The following SOX5 variants were observed in gnomAD, a reference collection of about 807,000 sequenced individuals.
The protein encoded by SOX5 is transcription factor SOX-5.
In SOX5, 9 loss-of-function variants were observed where a neutral mutation model predicts 92.0. The observed-to-expected ratio is 0.10, with a 90% CI of 0.06 to 0.17. The LOEUF is 0.17. Among genes scored for constraint, SOX5 ranks in the 10% least tolerant of loss-of-function variants. SOX5 has a pLI of 1.00. For synonymous variants in SOX5, 344 were observed against 336.3 expected, an observed-to-expected ratio of 1.02 and a Z score of -0.25; for missense variants, 642 against 944.5, an observed-to-expected ratio of 0.68 and a Z score of 4.20.
chr12:23,756,030 T>G (rs746328618), intron 3 of SOX5, among the ~76,000 whole-genome samples: 11 of 151,800 alleles, frequency 7.2e-5, no homozygotes, highest in Non-Finnish European at 1.3e-4. Flanking sequence ...AATGGATGCT[T>G]GTCAATTTCA....
chr12:24,246,250 T>C (rs929198292), intron 3 of SOX5, among the ~76,000 whole-genome samples: 11 of 152,138 alleles, frequency 7.2e-5, no homozygotes, highest in African/African-American at 2.7e-4. Context: ...TAATTTTTTT[T>C]TCCTGTTGAT....
At chr12:23,617,801 G>A (rs1195266318) in intron 8 of SOX5, among the ~76,000 whole-genome samples, 1 of 151,774 alleles carries the variant, frequency 6.6e-6, no homozygotes, top group Non-Finnish European at 1.5e-5. Context: ...AAAACATTTT[G>A]ACTTTTATAA....
chr12:24,248,764 C>A (rs1258251693), intron 3 of SOX5, among the ~76,000 whole-genome samples: 1 of 152,014 alleles, frequency 6.6e-6, no homozygotes, highest in African/African-American at 2.4e-5. Flanking sequence ...ACTGTAGTTT[C>A]TTTGTTGCTC....
Position 23,575,764 on chromosome 12 carries a change from G to A in SOX5, c.1239C>T (p.Thr413=), listed in dbSNP as rs369327498. ...TSDGKSPTSP[T]SPHMPALRIN... ...TTCTCAGAGCTGGCATATGGGGAGA[G>A]GTGGGTGATGTGGGTGATTTGCCAT... Residue 413 remains threonine, a synonymous_variant, in exon 10 of 15, where the codon ACC becomes ACT. Transcript: ENST00000451604. 10 of 1,612,498 alleles carry A rather than the reference G, an allele frequency of 6.2e-6. No homozygotes were observed. Among genetic ancestry groups the A allele is most frequent in the Non-Finnish European group, 8.5e-6 (10 of 1,179,360 alleles).
intron 4 of SOX5, among the ~76,000 whole-genome samples, chr12:24,004,710 G>T (rs1951969228): frequency 3.3e-5 from 5 of 152,048 alleles, no homozygotes; most frequent in East Asian, 1.9e-4. Flanking sequence ...CAGTTTAGCA[G>T]TTTCATAAAC....
Position 23,543,373 on chromosome 12 carries a change from C to T in SOX5, c.1609G>A (p.Val537Ile). ...TCCCTATAAATTCTTGACTCTGAGA[C>T]TCCAGCACTTCCTGAAAACAGGAAA... ...LSGDSDGSAGVSESRIYRESR... is the reference protein window; with the variant it reads ...LSGDSDGSAGISESRIYRESR... The change falls in exon 13 of 15, where the codon GTC (valine) becomes ATC (isoleucine). Residue 537 changes from valine (V) to isoleucine (I), a missense_variant. Physicochemically the swap from Val to Ile is conservative, Grantham distance 29. This residue lies in a region of SOX5 where 324 missense variants were observed against 461.6 expected (regional missense o/e 0.70). Coordinates refer to ENST00000451604, the MANE Select transcript of SOX5 (RefSeq NM_006940.6). 6.2e-7 allele frequency: 1 copy of T among 1,613,466 alleles called. No individual in the cohort carries two copies. Among genetic ancestry groups the T allele is most frequent in the South Asian group, 1.1e-5 (1 of 91,010 alleles).
chr12:24,246,271 TACAG>T (rs1938687391), intron 3 of SOX5, among the ~76,000 whole-genome samples: 1 of 150,798 alleles, frequency 6.6e-6, no homozygotes, highest in South Asian at 2.1e-4. Flanking sequence ...GTTCTCAAAT[TACAG>T]ACACAGATTT....
At chr12:23,955,756 A>T (rs1009714551), upstream of SOX5, among the ~76,000 whole-genome samples, 1 of 152,188 alleles carries the variant, frequency 6.6e-6, no homozygotes, top group Non-Finnish European at 1.5e-5. Flanking sequence ...TAAAAAAAAA[A>T]AAATCCATAT....
chr12:23,739,338 C>T (rs1228859109), intron 5 of SOX5, among the ~76,000 whole-genome samples: 1 of 152,100 alleles, frequency 6.6e-6, no homozygotes, highest in Non-Finnish European at 1.5e-5. Flanking sequence ...ATAGGCATTG[C>T]CTCCATTTTC....
intron 6 of SOX5, among the ~76,000 whole-genome samples, chr12:23,685,121 T>C (rs2087292329): frequency 2.0e-5 from 3 of 152,152 alleles, no homozygotes; most frequent in Admixed American, 2.0e-4. Context: ...TATAGTGAAC[T>C]GAGTCAGTGA....
At chr12:24,487,806 G>A (rs1385368843) in intron 1 of SOX5, among the ~76,000 whole-genome samples, 2 of 152,104 alleles carry the variant, frequency 1.3e-5, no homozygotes, top group Non-Finnish European at 2.9e-5. Flanking sequence ...CAGAAGATGA[G>A]TAAGTGCCTC....
intron 6 of SOX5, among the ~76,000 whole-genome samples, chr12:23,670,403 G>C (rs752471027): frequency 2.0e-5 from 3 of 152,156 alleles, no homozygotes; most frequent in Non-Finnish European, 4.4e-5. Flanking sequence ...AAGATGTAAA[G>C]TGAAGCAAAG....
At chr12:24,367,176 T>C (rs1156582564) in intron 2 of SOX5, among the ~76,000 whole-genome samples, 1 of 152,132 alleles carries the variant, frequency 6.6e-6, no homozygotes, top group Non-Finnish European at 1.5e-5. Flanking sequence ...CTGCTGAGGT[T>C]TGAAGCACTT....
chr12:24,097,892 A>G (rs1224529248), intron 4 of SOX5, among the ~76,000 whole-genome samples: 5 of 152,138 alleles, frequency 3.3e-5, no homozygotes, highest in Non-Finnish European at 7.4e-5. Context: ...ATATATTGCT[A>G]TGTAAACTTT....
intron 7 of SOX5, among the ~76,000 whole-genome samples, chr12:23,645,752 C>A (rs185983558): frequency 6.6e-6 from 1 of 151,990 alleles, no homozygotes; most frequent in African/African-American, 2.4e-5. Context: ...AATTAACTAT[C>A]TTTCCTTTGG....
intron 9 of SOX5, among the ~76,000 whole-genome samples, chr12:23,596,044 G>A (rs1357850022): frequency 6.6e-6 from 1 of 152,204 alleles, no homozygotes; most frequent in Non-Finnish European, 1.5e-5. Flanking sequence ...GGGTTATTGT[G>A]TCTTGGACTG....
chr12:23,967,741 T>TA (rs1399248620), intron 4 of SOX5, among the ~76,000 whole-genome samples: 1 of 152,186 alleles, frequency 6.6e-6, no homozygotes, highest in Non-Finnish European at 1.5e-5. Flanking sequence ...TAAGTATTAG[T>TA]AAAAAATGAT....
chr12:23,758,114 G>A (rs1274629499), intron 3 of SOX5, among the ~76,000 whole-genome samples: 1 of 151,276 alleles, frequency 6.6e-6, no homozygotes, highest in East Asian at 1.9e-4. Context: ...CATGTCTGTG[G>A]ATGAATAAAG....
intron 4 of SOX5, among the ~76,000 whole-genome samples, chr12:24,055,428 T>C (rs1423157488): frequency 6.6e-6 from 1 of 152,190 alleles, no homozygotes; most frequent in Non-Finnish European, 1.5e-5. Context: ...ATACCTCAAA[T>C]TAAAAATCAG....
Sources: gnomAD v4.1 joint callset for allele counts (sites outside exome capture counted in the v4.1 genomes callset) on GRCh38, gnomAD v4.1.1 for gene constraint, gnomAD v4.1.1 regional missense constraint, MANE v1.5 for transcripts, NCBI Gene and HGNC (gene_info 2026-07-23, HGNC 2026-07-21) for gene names.